FARS2: variants seen among roughly 807,000 people sequenced by gnomAD.
The protein encoded by FARS2 is phenylalanine--tRNA ligase, mitochondrial.
In FARS2, 40 loss-of-function variants were observed where a neutral mutation model predicts 46.4. That is an observed-to-expected ratio of 0.86 (90% CI 0.67 to 1.12). The LOEUF is 1.12. FARS2 is among the 50% of genes most tolerant of loss of function. FARS2 has a pLI of 0.00. For synonymous variants in FARS2, 234 were observed against 214.9 expected (o/e 1.09, Z -0.78); for missense variants, 513 against 567.9 (o/e 0.90, Z 0.98).
chr6:5,580,151 G>C (rs538304138), intron 5 of FARS2, among the ~76,000 whole-genome samples: 83 of 151,698 alleles, frequency 5.5e-4, no homozygotes, highest in African/African-American at 1.9e-3. Flanking sequence ...TTAGCCGGGC[G>C]TGGTGGTGCG....
intron 5 of FARS2, among the ~76,000 whole-genome samples, chr6:5,593,475 C>T (rs1215258848): frequency 2.0e-5 from 3 of 150,458 alleles, no homozygotes; most frequent in African/African-American, 7.4e-5. Context: ...TCTTTTTATG[C>T]CCATCGTCTT....
chr6:5,746,003 A>G (rs1012974843), intron 6 of FARS2, among the ~76,000 whole-genome samples: 3 of 152,184 alleles, frequency 2.0e-5, no homozygotes, highest in African/African-American at 7.2e-5. Context: ...TAATTATGAG[A>G]TGGATTAATA....
intron 2 of FARS2, among the ~76,000 whole-genome samples, chr6:5,398,096 G>A (rs2326606): frequency 0.16 from 24,931 of 152,066 alleles, 2,758 homozygotes; most frequent in East Asian, 0.48. Flanking sequence ...AGGATTCTCC[G>A]CCATTATTAT....
chr6:5,595,229 A>C (rs957119648), intron 5 of FARS2, among the ~76,000 whole-genome samples: 2 of 152,172 alleles, frequency 1.3e-5, no homozygotes, highest in Non-Finnish European at 2.9e-5. Flanking sequence ...TCAGAGAAAA[A>C]GTCTAAAAGA....
rs144085407 is a variant in FARS2, at chr6:5,339,388, T to C, written c.-21-29162T>C. On this transcript the variant is annotated intron_variant, in intron 1 of 6. Transcript: ENST00000274680. ...AATCAGGGCAAGTTAGCAAATTTTTTGTTTATCGTGCATACCAAAAATTAA... is the reference window on the plus strand; with the variant it reads ...AATCAGGGCAAGTTAGCAAATTTTTCGTTTATCGTGCATACCAAAAATTAA... 4.1e-3 allele frequency among the ~76,000 whole-genome samples: 631 copies of C among 152,270 alleles called. 3 individuals carry two copies. Among genetic ancestry groups the C allele is most frequent in the Middle Eastern group, 0.014 (4 of 294 alleles).
chr6:5,398,615 A>G (rs1010350172), intron 2 of FARS2, among the ~76,000 whole-genome samples: 2 of 152,194 alleles, frequency 1.3e-5, no homozygotes, highest in Admixed American at 6.5e-5. Context: ...ACCTGAGTAT[A>G]CTTATTGCCC....
intron 4 of FARS2, among the ~76,000 whole-genome samples, chr6:5,510,826 A>G (rs1768407151): frequency 6.6e-6 from 1 of 150,892 alleles, no homozygotes; most frequent in Non-Finnish European, 1.5e-5. Context: ...TCAGGAAGTT[A>G]ATGAGCCAAT....
rs193288677 is a variant in FARS2 at position 5,371,359 on chromosome 6, T to G, written c.612+2177T>G. 9.2e-4 allele frequency: 150 copies of G among 162,408 alleles called. 2 individuals are homozygous for G. The highest frequency in any genetic ancestry group is 2.2e-3 in the African/African-American group (90 of 41,738). The allele number at this position is 162,408 out of a possible 1,614,324, so 10.1% of individuals were successfully genotyped here. A position where few individuals can be genotyped will look rare whatever the true frequency, so the allele number is the denominator to read the frequency against. On this transcript the variant is annotated intron_variant, in intron 2 of 6. Coordinates refer to ENST00000274680, the MANE Select transcript of FARS2 (RefSeq NM_006567.5). ...TACAGAGACAATTTTAAACATTTTA[T>G]TATTATCTTTTAAGGTATTTTTGTT...
At chr6:5,717,644 A>G (rs1407751306) in intron 6 of FARS2, among the ~76,000 whole-genome samples, 2 of 152,046 alleles carry the variant, frequency 1.3e-5, no homozygotes, top group East Asian at 1.9e-4. Flanking sequence ...ACTTACTTCC[A>G]TATATCTCTC....
At chr6:5,412,108 T>C (rs988580265) in intron 3 of FARS2, among the ~76,000 whole-genome samples, 1 of 152,184 alleles carries the variant, frequency 6.6e-6, no homozygotes, top group Non-Finnish European at 1.5e-5. Context: ...TTGTCTTTGC[T>C]TGTTAAAAGA....
At chr6:5,367,508 G>A (rs960831526) in intron 1 of FARS2, among the ~76,000 whole-genome samples, 4 of 151,860 alleles carry the variant, frequency 2.6e-5, no homozygotes, top group South Asian at 2.1e-4. Flanking sequence ...AGCCCTTTGC[G>A]GTTGTCTTAT....
chr6:5,277,896 C>T (rs915418946), intron 1 of FARS2, among the ~76,000 whole-genome samples: 7 of 152,120 alleles, frequency 4.6e-5, no homozygotes, highest in Admixed American at 1.3e-4. Flanking sequence ...GTACCCAGTC[C>T]ATTTTGGGTA....
intron 6 of FARS2, among the ~76,000 whole-genome samples, chr6:5,738,599 A>G (rs1036310638): frequency 1.3e-5 from 2 of 152,258 alleles, no homozygotes; most frequent in Non-Finnish European, 2.9e-5. Context: ...TGCCAGAAAC[A>G]TCTAACTTTT....
chr6:5,512,406 G>T (rs1485653199), intron 4 of FARS2, among the ~76,000 whole-genome samples: 1 of 151,972 alleles, frequency 6.6e-6, no homozygotes, highest in African/African-American at 2.4e-5. Flanking sequence ...TCTCCTTGGG[G>T]TCACTAATAA....
chr6:5,736,015 T>C (rs1020310184), intron 6 of FARS2, among the ~76,000 whole-genome samples: 1 of 152,216 alleles, frequency 6.6e-6, no homozygotes, highest in Non-Finnish European at 1.5e-5. Flanking sequence ...CAGAGGGGCT[T>C]GGCAGGTTGA....
intron 5 of FARS2, among the ~76,000 whole-genome samples, chr6:5,547,845 G>T (rs1013127768): frequency 5.3e-5 from 8 of 152,232 alleles, no homozygotes; most frequent in Non-Finnish European, 1.5e-5. Context: ...GCAGCCATCA[G>T]TGTCTGTCTA....
intron 1 of FARS2, among the ~76,000 whole-genome samples, chr6:5,316,613 A>T (rs1378353736): frequency 6.6e-6 from 1 of 152,156 alleles, no homozygotes; most frequent in Non-Finnish European, 1.5e-5. Context: ...GTGGGAACAG[A>T]TAAGCTGTAA....
chr6:5,752,790 C>T (rs1450197550), intron 6 of FARS2, among the ~76,000 whole-genome samples: 3 of 152,104 alleles, frequency 2.0e-5, no homozygotes, highest in Admixed American at 1.3e-4. Context: ...AAGGCAGTTG[C>T]TCAGGATTAC....
At chr6:5,769,756 C>T (rs751483192) in intron 6 of FARS2, among the ~76,000 whole-genome samples, 1 of 152,224 alleles carries the variant, frequency 6.6e-6, no homozygotes, top group Non-Finnish European at 1.5e-5. Context: ...AACTTCCACC[C>T]CCAGCCCAGC....
Sources: gnomAD v4.1 joint callset for allele counts (sites outside exome capture counted in the v4.1 genomes callset) on GRCh38, gnomAD v4.1.1 for gene constraint, MANE v1.5 for transcripts, NCBI Gene and HGNC (gene_info 2026-07-23, HGNC 2026-07-21) for gene names.